Variants in TPH2 observed in about 807,000 individuals in gnomAD.
TPH2 encodes the protein tryptophan 5-hydroxylase 2.
TPH2 carries 27 observed loss-of-function variants against 59.1 expected under a neutral mutation model. The ratio of observed to expected loss-of-function variants is 0.46; its 90% confidence interval spans 0.34 to 0.63. The LOEUF (loss-of-function observed/expected upper bound fraction) is 0.63. Among genes scored for constraint, TPH2 ranks in the 30% least tolerant of loss-of-function variants. TPH2 has a pLI of 0.01. For synonymous variants in TPH2, 220 were observed against 210.5 expected (o/e 1.05, Z -0.39); for missense variants, 523 against 588.3 (o/e 0.89, Z 1.15).
chr12:72,026,694 C>A (rs900319514), intron 9 of TPH2, among the ~76,000 whole-genome samples: 1 of 152,128 alleles, frequency 6.6e-6, no homozygotes, highest in Admixed American at 6.5e-5. Flanking sequence ...ACGTTGGGAG[C>A]TGGAAACTCT....
intron 5 of TPH2, among the ~76,000 whole-genome samples, chr12:71,965,667 A>C (rs1198140493): frequency 6.6e-6 from 1 of 152,178 alleles, no homozygotes; most frequent in Non-Finnish European, 1.5e-5. Flanking sequence ...CTTTTGCACC[A>C]ATTTAATAAA....
At chr12:72,003,592 T>A (rs535675310) in intron 8 of TPH2, among the ~76,000 whole-genome samples, 1 of 152,308 alleles carries the variant, frequency 6.6e-6, no homozygotes, top group African/African-American at 2.4e-5. Context: ...GAGGCTACAC[T>A]TTCTGCTGAC....
At chr12:72,024,929 A>G (rs1051357591) in intron 9 of TPH2, among the ~76,000 whole-genome samples, 3 of 152,248 alleles carry the variant, frequency 2.0e-5, no homozygotes, top group Middle Eastern at 3.4e-3. Flanking sequence ...AGATTGCTAC[A>G]CTGGACCATT....
At chr12:71,996,081 G>T (rs1872686849) in intron 8 of TPH2, among the ~76,000 whole-genome samples, 1 of 152,202 alleles carries the variant, frequency 6.6e-6, no homozygotes, top group Non-Finnish European at 1.5e-5. Context: ...CTGGCTCAGG[G>T]ACTCTCAGGA....
chr12:71,988,237 G>T lies in TPH2; in HGVS notation c.942-6202G>T, dbSNP rs552907512. On this transcript the variant is annotated intron_variant, in intron 7 of 10. Coordinates refer to ENST00000333850, the MANE Select transcript of TPH2 (RefSeq NM_173353.4). Reference sequence around the variant, plus strand: ...TCTTAATTACACTGAACTTGGAGAGGTGGAGAGAAAGTTAAATGTCTCTTA... The same window carrying T: ...TCTTAATTACACTGAACTTGGAGAGTTGGAGAGAAAGTTAAATGTCTCTTA... Among the ~76,000 whole-genome samples the T allele has an allele frequency of 2.0e-5, 3 of 152,312 alleles. No homozygotes were observed. The South Asian group carries it at 6.2e-4, about 32-fold the overall frequency.
chr12:71,997,437 G>A (rs1434856278), intron 8 of TPH2, among the ~76,000 whole-genome samples: 1 of 152,070 alleles, frequency 6.6e-6, no homozygotes, highest in Non-Finnish European at 1.5e-5. Context: ...TACACTTTCT[G>A]GGAAAAATGA....
chr12:71,967,634 T>C (rs1871854838), intron 5 of TPH2, among the ~76,000 whole-genome samples: 1 of 152,232 alleles, frequency 6.6e-6, no homozygotes, highest in Admixed American at 6.5e-5. Context: ...ACAAATTCCA[T>C]ATAAATGCAG....
In TPH2 at chr12:71,944,641, T is replaced by C. The variant is rs1449385847; in HGVS notation, c.495T>C (p.Ser165=). Residue 165 remains serine (S), a synonymous_variant, in exon 4 of 11, where the codon TCT becomes TCC. Coordinates refer to ENST00000333850, the MANE Select transcript of TPH2 (RefSeq NM_173353.4). ...AGATCTCTGAGTTAGACAAATGCTC[T>C]CACAGAGTTCTCATGTATGGTTCTG... ...PRKISELDKC[S]HRVLMYGSEL... 1 of 1,613,946 alleles carries C rather than the reference T, an allele frequency of 6.2e-7. No individual in the cohort carries two copies. Among genetic ancestry groups the C allele is most frequent in the Non-Finnish European group, 8.5e-7 (1 of 1,179,844 alleles).
intron 1 of TPH2, 109 bp from the exon 2 acceptor site, chr12:71,941,475 T>G (rs2139175993): frequency 7.4e-7 from 1 of 1,357,248 alleles, no homozygotes; most frequent in Non-Finnish European, 1.0e-6. Flanking sequence ...GTTTGTATGA[T>G]TGGTGGAGCT....
At chr12:72,027,374 T>C (rs1020203481) in intron 9 of TPH2, among the ~76,000 whole-genome samples, 11 of 152,218 alleles carry the variant, frequency 7.2e-5, no homozygotes, top group African/African-American at 2.7e-4. Flanking sequence ...CTAAATATAC[T>C]GAGCACTTCC....
At chr12:71,988,855 G>T (rs1872511715) in intron 7 of TPH2, among the ~76,000 whole-genome samples, 1 of 152,120 alleles carries the variant, frequency 6.6e-6, no homozygotes, top group African/African-American at 2.4e-5. Flanking sequence ...GAACCAGATG[G>T]TGACTTTTGC....
chr12:72,023,824 A>AAAAAAAAAAAAAG (rs61018452), intron 9 of TPH2, among the ~76,000 whole-genome samples: 59,887 of 124,910 alleles, frequency 0.48, 14,992 homozygotes, highest in Non-Finnish European at 0.58. Context: ...TCTGACAGAA[A>AAAAAAAAAAAAAG]AAAAAAAAAA....
intron 8 of TPH2, among the ~76,000 whole-genome samples, chr12:72,016,482 T>C (rs890538485): frequency 2.0e-5 from 3 of 152,130 alleles, no homozygotes; most frequent in African/African-American, 7.2e-5. Flanking sequence ...TCTGAGGACC[T>C]GAGGGAGTAT....
chr12:71,951,014 A>C (rs1222712052), intron 5 of TPH2, among the ~76,000 whole-genome samples: 1 of 152,102 alleles, frequency 6.6e-6, no homozygotes, highest in African/African-American at 2.4e-5. Flanking sequence ...CACATGGCAC[A>C]TGTCCTTTCA....
chr12:71,953,851 T>G (rs1416293390), intron 5 of TPH2, among the ~76,000 whole-genome samples: 1 of 152,038 alleles, frequency 6.6e-6, no homozygotes, highest in Non-Finnish European at 1.5e-5. Context: ...GAAGAAGAAG[T>G]CAAACATGTG....
At chr12:71,998,170 T>C (rs1872737961) in intron 8 of TPH2, among the ~76,000 whole-genome samples, 1 of 152,172 alleles carries the variant, frequency 6.6e-6, no homozygotes, top group Non-Finnish European at 1.5e-5. Context: ...TGGTTTTGAC[T>C]GATTCACTCA....
intron 8 of TPH2, among the ~76,000 whole-genome samples, chr12:72,009,213 C>G (rs1592409632): frequency 6.6e-6 from 1 of 152,204 alleles, no homozygotes; most frequent in East Asian, 1.9e-4. Flanking sequence ...ACCTGCCTGT[C>G]CTGCCTCTAC....
chr12:71,994,626 C>T lies in TPH2; in HGVS notation c.1068+61C>T, dbSNP rs1592402820. On this transcript the variant is annotated intron_variant, in intron 8 of 10. Transcript: ENST00000333850. ...ATGTCCATTTGTAAGGTAAAGAAAG[C>T]TTCAGGATTATTGACTATGAGTTAT... 3.1e-6 allele frequency: 5 copies of T among 1,597,810 alleles called. No individual in the cohort carries two copies. In the East Asian group the frequency reaches 6.7e-5, roughly 22 times the overall value.
intron 5 of TPH2, among the ~76,000 whole-genome samples, chr12:71,953,036 GA>G (rs1318473927): frequency 2.0e-5 from 3 of 152,138 alleles, no homozygotes; most frequent in Non-Finnish European, 4.4e-5. Context: ...ATTCTTGGAA[GA>G]AACTGTTTAG....
Sources: allele counts gnomAD v4.1 joint callset (sites outside exome capture counted in the v4.1 genomes callset), GRCh38; gene constraint gnomAD v4.1.1; transcripts MANE v1.5; gene names NCBI Gene and HGNC (gene_info 2026-07-23, HGNC 2026-07-21).